Variants in THADA observed in about 807,000 individuals in gnomAD.
The protein encoded by THADA is THADA armadillo repeat containing, also known as tRNA (32-2'-O)-methyltransferase regulator THADA.
In THADA, 213 loss-of-function variants were observed where a neutral mutation model predicts 219.8. The observed-to-expected ratio is 0.97, with a 90% CI of 0.87 to 1.09. The LOEUF (loss-of-function observed/expected upper bound fraction) is 1.09. Ranked by LOEUF, THADA falls within the 50% of genes least tolerant of loss-of-function variation. The pLI, the probability that THADA is intolerant of heterozygous loss-of-function variation, is 0.00. For synonymous variants in THADA, 1,018 were observed against 828.9 expected (o/e 1.23, Z -3.92); for missense variants, 2,956 against 2,311.3 (o/e 1.28, Z -5.72).
At chr2:43,361,197 A>G (rs990008906) in intron 29 of THADA, among the ~76,000 whole-genome samples, 3 of 152,212 alleles carry the variant, frequency 2.0e-5, no homozygotes, top group Non-Finnish European at 2.9e-5. Context: ...GCCTACTATC[A>G]TATCACGGGC....
chr2:43,541,504 A>C (rs1010812790), intron 20 of THADA, among the ~76,000 whole-genome samples, 188 bp from the exon 21 acceptor site: 2 of 151,812 alleles, frequency 1.3e-5, no homozygotes, highest in Admixed American at 1.3e-4. Context: ...AATCATGCTA[A>C]GTTTTTTTTT....
intron 29 of THADA, among the ~76,000 whole-genome samples, chr2:43,370,608 A>G (rs1374702755): frequency 6.6e-6 from 1 of 152,226 alleles, no homozygotes; most frequent in East Asian, 1.9e-4. Flanking sequence ...CATCACTTAT[A>G]TAATATCCAA....
chr2:43,231,361 G>T lies in THADA; in HGVS notation c.5467-18C>A. On this transcript the variant is annotated intron_variant, in intron 37 of 37. Coordinates refer to ENST00000405975, the MANE Select transcript of THADA (RefSeq NM_022065.5). ...TCTTCCACCTAAATCAGATGAAAAAGCCGAAAGTCAGTCTTACAGGGAATG... is the reference window on the plus strand; with the variant it reads ...TCTTCCACCTAAATCAGATGAAAAATCCGAAAGTCAGTCTTACAGGGAATG... 6.7e-6 allele frequency: 10 copies of T among 1,499,116 alleles called. No individual in the cohort carries two copies. The highest frequency in any genetic ancestry group is 8.9e-6 in the Non-Finnish European group (10 of 1,125,012). The allele number at this position is 1,499,116 out of a possible 1,614,324, so 92.9% of individuals were successfully genotyped here. A position where few individuals can be genotyped will look rare whatever the true frequency, so the allele number is the denominator to read the frequency against.
Position 43,293,012 on chromosome 2 carries a change from TGAGA to T in THADA, c.4636_4639del (p.Gln1547CysfsTer2). The T allele has an allele frequency of 6.2e-7, 1 of 1,614,014 alleles. No individual in the cohort carries two copies. The highest frequency in any genetic ancestry group is 1.1e-5 in the South Asian group (1 of 91,080). On this transcript the variant is annotated frameshift_variant, in exon 32 of 38. Coordinates refer to ENST00000405975, the MANE Select transcript of THADA (RefSeq NM_022065.5). LOFTEE classifies it high-confidence loss of function. The stretch of plus-strand genomic sequence containing the variant: ...TTCAGGGAAGGCAGATTCTAACAGC[TGAGA>T]GAAAGAGATGGGGACATTCGTCTCC...
intron 29 of THADA, among the ~76,000 whole-genome samples, chr2:43,348,782 G>C (rs1344423887): frequency 6.6e-6 from 1 of 152,098 alleles, no homozygotes; most frequent in African/African-American, 2.4e-5. Flanking sequence ...ATGAGGGAGG[G>C]GAATTAATGA....
intron 36 of THADA, among the ~76,000 whole-genome samples, chr2:43,251,998 T>C (rs1669849937): frequency 6.6e-6 from 1 of 152,192 alleles, no homozygotes; most frequent in South Asian, 2.1e-4. Context: ...CCTGAGTCTC[T>C]GACTTGGACG....
At chr2:43,537,211 C>T (rs1694721665) in intron 21 of THADA, among the ~76,000 whole-genome samples, 1 of 152,214 alleles carries the variant, frequency 6.6e-6, no homozygotes, top group Admixed American at 6.5e-5. Context: ...ATCATCTTAC[C>T]AGAATGTTTA....
At chr2:43,392,635 A>G (rs537602694) in intron 29 of THADA, among the ~76,000 whole-genome samples, 1 of 152,162 alleles carries the variant, frequency 6.6e-6, no homozygotes, top group East Asian at 1.9e-4. Flanking sequence ...TACTGTTCCC[A>G]TCACGTAAAG....
At chr2:43,271,612 C>CTT (rs11365531) in intron 36 of THADA, among the ~76,000 whole-genome samples, 9 of 118,590 alleles carry the variant, frequency 7.6e-5, no homozygotes, top group Admixed American at 8.6e-5. Flanking sequence ...ACTCTTGGAA[C>CTT]TTTTTTTTTT....
rs57257569 is a variant in THADA at position 43,293,021 on chromosome 2, G to C, written c.4631C>G (p.Ser1544Cys). The change falls in exon 32 of 38, where the codon TCT (serine) becomes TGT (cysteine). Residue 1544 changes from serine to cysteine, a missense_variant. Coordinates refer to ENST00000405975, the MANE Select transcript of THADA (RefSeq NM_022065.5). ...SGERETNVPISFSQLLESAFP... is the reference protein window; with the variant it reads ...SGERETNVPICFSQLLESAFP... The stretch of plus-strand genomic sequence containing the variant: ...GGCAGATTCTAACAGCTGAGAGAAA[G>C]AGATGGGGACATTCGTCTCCCGCTC... 3.9e-4 allele frequency: 631 copies of C among 1,614,010 alleles called. 3 individuals are homozygous for C. The East Asian group carries it at 9.8e-3, about 25-fold the overall frequency.
At chr2:43,322,521 T>C (rs545025726) in intron 30 of THADA, among the ~76,000 whole-genome samples, 21 of 148,464 alleles carry the variant, frequency 1.4e-4, no homozygotes, top group Non-Finnish European at 3.0e-4. Context: ...AATAAATAAA[T>C]AGGTAACACA....
At chr2:43,284,933 C>T (rs1249956946) in intron 35 of THADA, among the ~76,000 whole-genome samples, 1 of 152,218 alleles carries the variant, frequency 6.6e-6, no homozygotes, top group Non-Finnish European at 1.5e-5. Context: ...AATGACTGCC[C>T]TGCTGGGTTT....
At chr2:43,514,711 T>A (rs1358106011) in intron 22 of THADA, among the ~76,000 whole-genome samples, 1 of 71,154 alleles carries the variant, frequency 1.4e-5, no homozygotes, top group African/African-American at 7.0e-5. Flanking sequence ...AATATATATA[T>A]AAATATATAT....
At chr2:43,371,859 C>G (rs901799404) in intron 29 of THADA, 5 of 152,050 alleles carry the variant, frequency 3.3e-5, no homozygotes, top group Non-Finnish European at 7.4e-5. Context: ...AAAAAAATCA[C>G]TTGCCATTTT....
At chr2:43,464,762 CCT>C (rs1684037304) in intron 26 of THADA, among the ~76,000 whole-genome samples, 1 of 152,134 alleles carries the variant, frequency 6.6e-6, no homozygotes, top group Non-Finnish European at 1.5e-5. Context: ...AAATACTCAG[CCT>C]CAGAACACGC....
chr2:43,592,092 G>T, intron 2 of THADA, 46 bp from the exon 3 acceptor site: 1 of 1,439,150 alleles, frequency 6.9e-7, no homozygotes, highest in Non-Finnish European at 9.4e-7. Flanking sequence ...TTAACAGTGA[G>T]TTAACTTTGC....
intron 35 of THADA, among the ~76,000 whole-genome samples, chr2:43,284,163 G>C (rs1673703930): frequency 6.6e-6 from 1 of 152,110 alleles, no homozygotes. Flanking sequence ...TGGAAAACAA[G>C]AGTGAAACTC....
At chr2:43,466,502 GCA>G (rs1358930090) in intron 26 of THADA, among the ~76,000 whole-genome samples, 1 of 152,090 alleles carries the variant, frequency 6.6e-6, no homozygotes, top group African/African-American at 2.4e-5. Context: ...CACGCTGCTA[GCA>G]CACAGTTTGG....
At position 43,232,965 on chromosome 2, in the gene THADA, A is replaced by C. The variant is rs926836004; in HGVS notation, c.5297-83T>G. On this transcript the variant is annotated intron_variant, in intron 36 of 37. Coordinates refer to ENST00000405975, the MANE Select transcript of THADA (RefSeq NM_022065.5). The stretch of plus-strand genomic sequence containing the variant: ...CAGCCTGCAGGACCCTGGGAACAAT[A>C]AAGGCCTCAGGTAAAATCGCTGCCA... 5 of 1,439,916 alleles carry C rather than the reference A, an allele frequency of 3.5e-6. No homozygotes were observed. In the African/African-American group the frequency reaches 7.1e-5, roughly 21 times the overall value. 89.2% of individuals were successfully genotyped at this position (1,439,916 alleles called of 1,614,324 possible). A position where few individuals can be genotyped will look rare whatever the true frequency, so the allele number is the denominator to read the frequency against.
Sources: gnomAD v4.1 joint callset for allele counts (sites outside exome capture counted in the v4.1 genomes callset) on GRCh38, gnomAD v4.1.1 for gene constraint, MANE v1.5 for transcripts, NCBI Gene and HGNC (gene_info 2026-07-23, HGNC 2026-07-21) for gene names.